STS: variants seen among roughly 807,000 people sequenced by gnomAD.
The protein encoded by STS is steryl-sulfatase.
Under a neutral mutation model 26.8 loss-of-function variants are expected in STS, and 7 were observed. The observed-to-expected ratio is 0.26, with a 90% CI of 0.15 to 0.49. STS has a LOEUF of 0.49. Among genes scored for constraint, STS ranks in the 20% least tolerant of loss-of-function variants. The probability of loss-of-function intolerance (pLI) is 0.98; values close to 1 mark genes in which losing one functional copy is unlikely to be tolerated. For synonymous variants in STS, 199 were observed against 189.4 expected (o/e 1.05, Z -0.42); for missense variants, 434 against 465.6 (o/e 0.93, Z 0.63).
rs146233367 is a variant in STS at position 7,341,745 on chromosome X, G to C, written c.1363+7638G>C. 3.9e-3 allele frequency among the ~76,000 whole-genome samples: 436 copies of C among 110,639 alleles called. 4 individuals carry two copies. Among genetic ancestry groups the C allele is most frequent in the Non-Finnish European group, 7.3e-3 (386 of 52,795 alleles). ...CACCCTGGATTTCATAATGACAGCT[G>C]GTTCCTCCCCTCTCTTTCCATCCCT... On this transcript the variant is annotated intron_variant, in intron 10 of 10. Coordinates refer to ENST00000674429, the MANE Select transcript of STS (RefSeq NM_001320752.2).
intron 2 of STS, among the ~76,000 whole-genome samples, chrX:7,197,351 A>T (rs1452738385): frequency 1.8e-5 from 2 of 111,763 alleles, no homozygotes; most frequent in African/African-American, 6.5e-5. Flanking sequence ...GTCCCGAGCC[A>T]GACCCCAAGA....
At chrX:7,278,013 A>G (rs1282626355) in intron 7 of STS, among the ~76,000 whole-genome samples, 1 of 112,465 alleles carries the variant, frequency 8.9e-6, no homozygotes, top group African/African-American at 3.2e-5. Flanking sequence ...TTAGCATGGC[A>G]TACATGCCTG....
intron 10 of STS, among the ~76,000 whole-genome samples, chrX:7,344,497 C>T (rs1928435028): frequency 9.0e-6 from 1 of 111,035 alleles, no homozygotes; most frequent in African/African-American, 3.3e-5. Context: ...TTGTCAGGGA[C>T]CACCCTGACA....
intron 2 of STS, among the ~76,000 whole-genome samples, chrX:7,212,100 G>A (rs1921058683): frequency 8.9e-6 from 1 of 111,738 alleles, no homozygotes; most frequent in African/African-American, 3.3e-5. Context: ...CTGATATCCA[G>A]GTGTATGCAA....
chrX:7,178,041 G>C (rs770488761), intron 1 of STS, among the ~76,000 whole-genome samples: 1 of 109,502 alleles, frequency 9.1e-6, no homozygotes, highest in Non-Finnish European at 1.9e-5. Flanking sequence ...CTTCCACCTT[G>C]GTCTCCCAAA....
At chrX:7,238,318 TA>T (rs1569197920) in intron 2 of STS, among the ~76,000 whole-genome samples, 1 of 111,212 alleles carries the variant, frequency 9.0e-6, no homozygotes, top group Non-Finnish European at 1.9e-5. Flanking sequence ...CATCAGATTA[TA>T]GAAGCATAAA....
At chrX:7,251,333 A>G (rs776765873) in intron 2 of STS, among the ~76,000 whole-genome samples, 3 of 112,123 alleles carry the variant, frequency 2.7e-5, no homozygotes, top group Non-Finnish European at 5.6e-5. Flanking sequence ...TTCCTGAGCA[A>G]GGGAATGGCT....
chrX:7,160,649 T>TA (rs1397569400), intron 1 of STS, among the ~76,000 whole-genome samples: 2 of 112,319 alleles, frequency 1.8e-5, no homozygotes, highest in African/African-American at 6.5e-5. Flanking sequence ...CTGAGTTAGA[T>TA]ACGATGTCTA....
intron 8 of STS, among the ~76,000 whole-genome samples, chrX:7,323,620 C>G (rs931473107): frequency 4.5e-5 from 5 of 111,810 alleles, no homozygotes; most frequent in Admixed American, 9.5e-5. Flanking sequence ...TATCCAATCC[C>G]TGTCGATGGG....
At chrX:7,333,470 G>C (rs1927857211) in intron 9 of STS, among the ~76,000 whole-genome samples, 1 of 111,772 alleles carries the variant, frequency 8.9e-6, no homozygotes, top group Admixed American at 9.5e-5. Context: ...TCATTCTAAG[G>C]AGAAATTTGC....
At chrX:7,159,340 A>G (rs943205917) in intron 1 of STS, among the ~76,000 whole-genome samples, 3 of 111,722 alleles carry the variant, frequency 2.7e-5, no homozygotes, top group Non-Finnish European at 5.6e-5. Flanking sequence ...TGACACAGAG[A>G]ATGAATTCCT....
At chrX:7,189,209 A>G (rs887216780) in intron 1 of STS, among the ~76,000 whole-genome samples, 3 of 111,774 alleles carry the variant, frequency 2.7e-5, no homozygotes, top group African/African-American at 9.8e-5. Context: ...CATAAACAAT[A>G]GATTTATATA....
At chrX:7,307,180 A>G (rs6639817) in intron 8 of STS, among the ~76,000 whole-genome samples, 39,543 of 110,232 alleles carry the variant, frequency 0.36, 5,301 homozygotes, top group East Asian at 0.43. Context: ...TCAATGCAGG[A>G]CACATAATCA....
intron 2 of STS, among the ~76,000 whole-genome samples, chrX:7,246,401 G>A (rs1001661427): frequency 1.9e-4 from 21 of 109,846 alleles, no homozygotes; most frequent in Admixed American, 1.1e-3. Flanking sequence ...TCCCAGGTTC[G>A]CGCCATTCTC....
chrX:7,351,809 T>C lies in STS; in HGVS notation c.*1548T>C, dbSNP rs1928809977. ...CTGAAAGTTGGCTATAATTTCTCTA[T>C]CCCTACCCACAACCCTGGGAAGTTG... On this transcript the variant is annotated 3_prime_UTR_variant, in exon 11 of 11. Transcript: ENST00000674429. The C allele has an allele frequency of 9.1e-6, 1 of 110,209 alleles. No individual in the cohort carries two copies. Among genetic ancestry groups the C allele is most frequent in the South Asian group, 3.9e-4 (1 of 2,552 alleles). The allele number at this position is 110,209 out of a possible 1,213,427, so 9.1% of individuals were successfully genotyped here.
chrX:7,158,382 A>C (rs1482307800), intron 1 of STS, among the ~76,000 whole-genome samples: 5 of 112,026 alleles, frequency 4.5e-5, no homozygotes, highest in Non-Finnish European at 3.8e-5. Context: ...ACTCCAGCAG[A>C]GAGGCGCCAC....
At chrX:7,242,023 C>G (rs559304492) in intron 2 of STS, among the ~76,000 whole-genome samples, 6 of 111,355 alleles carry the variant, frequency 5.4e-5, no homozygotes, top group Middle Eastern at 4.7e-3. Flanking sequence ...CCACAGCCAG[C>G]AAGCGATAGA....
intron 1 of STS, among the ~76,000 whole-genome samples, chrX:7,174,640 C>T (rs1259038256): frequency 8.9e-6 from 1 of 111,876 alleles, no homozygotes; most frequent in Non-Finnish European, 1.9e-5. Flanking sequence ...TTGATCTTCT[C>T]GTAAGGTGTA....
chrX:7,346,458 T>TAAA (rs33973441), intron 10 of STS, among the ~76,000 whole-genome samples: 1 of 80,781 alleles, frequency 1.2e-5, no homozygotes. Context: ...CTTAAACAAG[T>TAAA]AAAAAAAAAA....
Sources: gnomAD v4.1 joint callset for allele counts (sites outside exome capture counted in the v4.1 genomes callset) on GRCh38, gnomAD v4.1.1 for gene constraint, MANE v1.5 for transcripts, NCBI Gene and HGNC (gene_info 2026-07-23, HGNC 2026-07-21) for gene names.